The following ANKRD13C variants were observed in gnomAD, a reference collection of about 807,000 sequenced individuals.
ANKRD13C encodes ankyrin repeat domain-containing protein 13C.
Under a neutral mutation model 65.5 loss-of-function variants are expected in ANKRD13C, and 16 were observed. The observed-to-expected ratio is 0.24, with a 90% CI of 0.17 to 0.37. ANKRD13C has a LOEUF of 0.37. Ranked by LOEUF, ANKRD13C falls within the 10% of genes least tolerant of loss-of-function variation. The pLI, the probability that ANKRD13C is intolerant of heterozygous loss-of-function variation, is 1.00. For synonymous variants in ANKRD13C, 235 were observed against 238.7 expected (o/e 0.98, Z 0.14); for missense variants, 503 against 655.9 (o/e 0.77, Z 2.55).
intron 2 of ANKRD13C, among the ~76,000 whole-genome samples, chr1:70,326,565 G>A (rs540855933): frequency 6.6e-6 from 1 of 152,050 alleles, no homozygotes; most frequent in South Asian, 2.1e-4. Flanking sequence ...ATACTAGCAG[G>A]GAACTTTATC....
rs184899393 is a variant in ANKRD13C, at chr1:70,330,741, A to C, written c.472+5317T>G. Among the ~76,000 whole-genome samples, 3 of 152,236 alleles carry C rather than the reference A, an allele frequency of 2.0e-5. No individual in the cohort carries two copies. The East Asian group carries it at 5.8e-4, about 29-fold the overall frequency. On this transcript the variant is annotated intron_variant, in intron 2 of 12. Transcript: ENST00000370944. ...TAATTCTAAAGTTACTTTAAGAAAA[A>C]ATAAAAAATTGCAGATCCAAAAAAG...
intron 11 of ANKRD13C, among the ~76,000 whole-genome samples, chr1:70,272,205 G>T: frequency 6.7e-6 from 1 of 150,108 alleles, no homozygotes; most frequent in Admixed American, 6.6e-5. Context: ...TATTTGTCTG[G>T]CATTTGTATG....
chr1:70,287,743 A>T (rs1679684905), intron 9 of ANKRD13C, among the ~76,000 whole-genome samples: 1 of 152,220 alleles, frequency 6.6e-6, no homozygotes, highest in African/African-American at 2.4e-5. Context: ...ATAATGGCTC[A>T]TGCCTATAAT....
chr1:70,261,875 G>A lies in ANKRD13C; in HGVS notation c.*842C>T, dbSNP rs1181428696. On this transcript the variant is annotated 3_prime_UTR_variant, in exon 13 of 13. Transcript: ENST00000370944. ...AATTTGGATTTTTTTTTAAAGTGCT[G>A]AGATTTGGAAGAGGAATATCTTTAA... 1.3e-5 allele frequency: 2 copies of A among 151,800 alleles called. No individual in the cohort carries two copies. The highest frequency in any genetic ancestry group is 4.8e-5 in the African/African-American group (2 of 41,238). 9.4% of individuals were successfully genotyped at this position (151,800 alleles called of 1,614,324 possible).
At position 70,339,143 on chromosome 1, in the gene ANKRD13C, G is replaced by A. The variant is rs151029728; in HGVS notation, c.431-3044C>T. Among the ~76,000 whole-genome samples, 801 of 150,904 alleles carry A rather than the reference G, an allele frequency of 5.3e-3. 12 individuals are homozygous for A. The highest frequency in any genetic ancestry group is 0.019 in the African/African-American group (776 of 41,100). On this transcript the variant is annotated intron_variant, in intron 1 of 12. Coordinates refer to ENST00000370944, the MANE Select transcript of ANKRD13C (RefSeq NM_030816.5). ...AAGAATCGCTTGAGTCCGGGTGGCA[G>A]AGGTTGCAGTAAGCCGAGATGGCGG... is the stretch of plus-strand genomic sequence containing the variant.
chr1:70,283,875 G>A (rs760026586), intron 9 of ANKRD13C, among the ~76,000 whole-genome samples: 4 of 152,066 alleles, frequency 2.6e-5, no homozygotes, highest in Non-Finnish European at 5.9e-5. Context: ...TGAACATATA[G>A]TTGGCACAGT....
chr1:70,331,865 A>T (rs1041980753), intron 2 of ANKRD13C, among the ~76,000 whole-genome samples: 2 of 150,634 alleles, frequency 1.3e-5, no homozygotes, highest in African/African-American at 4.8e-5. Context: ...TATAAAGTAG[A>T]TGTTTTACTT....
chr1:70,279,219 AAAAG>A (rs1166927288), intron 9 of ANKRD13C, among the ~76,000 whole-genome samples: 6 of 151,830 alleles, frequency 4.0e-5, no homozygotes, highest in Non-Finnish European at 8.8e-5. Flanking sequence ...AAGAAATTAA[AAAAG>A]AGAGAGAGAG....
Position 70,296,277 on chromosome 1 carries a change from A to G in ANKRD13C, c.922-16T>C. 6.2e-7 allele frequency: 1 copy of G among 1,602,406 alleles called. No individual in the cohort carries two copies. Among genetic ancestry groups the G allele is most frequent in the Non-Finnish European group, 8.5e-7 (1 of 1,176,390 alleles). ...TCTCTGATTCCTGGGATGTGAGCAA[A>G]AGTTAAATATAAAAATCTAGGTTTT... On this transcript the variant is annotated splice_polypyrimidine_tract_variant and intron_variant, in intron 7 of 12. Transcript: ENST00000370944.
chr1:70,334,881 A>G (rs891508790), intron 2 of ANKRD13C, among the ~76,000 whole-genome samples: 5 of 151,822 alleles, frequency 3.3e-5, no homozygotes, highest in African/African-American at 1.2e-4. Flanking sequence ...ACTCCAGCCT[A>G]GGCAATAAGA....
intron 2 of ANKRD13C, among the ~76,000 whole-genome samples, chr1:70,327,548 G>C (rs1288114266): frequency 6.6e-6 from 1 of 152,166 alleles, no homozygotes. Flanking sequence ...TCATGTTTCA[G>C]TATAAAAAAC....
chr1:70,340,499 A>C (rs1682260694), intron 1 of ANKRD13C, among the ~76,000 whole-genome samples: 1 of 152,174 alleles, frequency 6.6e-6, no homozygotes, highest in Non-Finnish European at 1.5e-5. Flanking sequence ...TGCAAAAAAA[A>C]ACTTTTTATT....
intron 6 of ANKRD13C, 141 bp downstream of exon 6, chr1:70,306,082 AT>A: frequency 2.2e-6 from 1 of 458,866 alleles, no homozygotes. Flanking sequence ...TTTATCTATT[AT>A]GTCTCGAATG....
At chr1:70,292,606 G>T in intron 8 of ANKRD13C, 57 bp from the exon 9 acceptor site, 5 of 1,327,268 alleles carry the variant, frequency 3.8e-6, no homozygotes, top group Non-Finnish European at 4.1e-6. Flanking sequence ...AAGTGTCAAG[G>T]TAATATATTT....
chr1:70,351,708 T>A (rs1379968491), intron 1 of ANKRD13C, among the ~76,000 whole-genome samples: 1 of 152,142 alleles, frequency 6.6e-6, no homozygotes, highest in African/African-American at 2.4e-5. Flanking sequence ...CCAAGCTTGC[T>A]GTTGTTTAAG....
intron 1 of ANKRD13C, among the ~76,000 whole-genome samples, chr1:70,342,438 T>G (rs1392441404): frequency 6.6e-6 from 1 of 152,092 alleles, no homozygotes; most frequent in Non-Finnish European, 1.5e-5. Context: ...CTCAGGAGGC[T>G]GAGGCAGGAG....
At chr1:70,335,689 T>C (rs1170651333) in intron 2 of ANKRD13C, among the ~76,000 whole-genome samples, 2 of 149,560 alleles carry the variant, frequency 1.3e-5, no homozygotes, top group Non-Finnish European at 3.0e-5. Context: ...CTTATGACTT[T>C]ATATATATAA....
chr1:70,312,524 G>A (rs1680892723), intron 5 of ANKRD13C, among the ~76,000 whole-genome samples: 1 of 152,108 alleles, frequency 6.6e-6, no homozygotes, highest in African/African-American at 2.4e-5. Flanking sequence ...AAACTATAGA[G>A]CCACAGAATG....
At chr1:70,336,862 A>G (rs1380227410) in intron 1 of ANKRD13C, among the ~76,000 whole-genome samples, 1 of 152,214 alleles carries the variant, frequency 6.6e-6, no homozygotes, top group Non-Finnish European at 1.5e-5. Flanking sequence ...AGTTTGGACT[A>G]CATCCTATAG....
Sources: allele counts gnomAD v4.1 joint callset (sites outside exome capture counted in the v4.1 genomes callset), GRCh38; gene constraint gnomAD v4.1.1; transcripts MANE v1.5; gene names NCBI Gene and HGNC (gene_info 2026-07-23, HGNC 2026-07-21).